Variants in SPRY1 observed in about 807,000 individuals in gnomAD.
SPRY1 encodes the protein protein sprouty homolog 1.
A neutral mutation model predicts 22.6 loss-of-function variants in SPRY1; 20 were observed. The ratio of observed to expected loss-of-function variants is 0.89; its 90% CI spans 0.62 to 1.29. The LOEUF (loss-of-function observed/expected upper bound fraction) is 1.29. Among genes scored for constraint, SPRY1 ranks in the 50% most tolerant of loss-of-function variants. The pLI is 0.00. For synonymous variants in SPRY1, 155 were observed against 144.7 expected, an observed-to-expected ratio of 1.07 and a Z score of -0.51; for missense variants, 446 against 387.7, an observed-to-expected ratio of 1.15 and a Z score of -1.26.
chr4:123,403,112 C>G lies in SPRY1; in HGVS notation c.*561C>G. The G allele has an allele frequency of 3.5e-6, 1 of 289,204 alleles. No homozygotes were observed. The highest frequency in any genetic ancestry group is 6.7e-6 in the Non-Finnish European group (1 of 148,822). 17.9% of individuals were successfully genotyped at this position (289,204 alleles called of 1,614,324 possible). On this transcript the variant is annotated 3_prime_UTR_variant, in exon 3 of 3. Transcript: ENST00000651917. ...CCTTCTTTCTCCTTCAAGGTTCTTTCCCCCTCAGTTTTGTTGTTGTCTTAC... is the reference window on the plus strand; with the variant it reads ...CCTTCTTTCTCCTTCAAGGTTCTTTGCCCCTCAGTTTTGTTGTTGTCTTAC...
At chr4:123,397,539 G>C (rs1320729825) in intron 1 of SPRY1, 72 bp from the exon 2 acceptor site, 2 of 152,086 alleles carry the variant, frequency 1.3e-5, no homozygotes, top group African/African-American at 4.8e-5. Context: ...GCTGGCCAGC[G>C]GCCCGCCCGG....
intron 2 of SPRY1, chr4:123,399,463 G>T (rs1031483001): frequency 6.6e-6 from 1 of 152,178 alleles, no homozygotes; most frequent in Non-Finnish European, 1.5e-5. Flanking sequence ...GAGGGAGAAA[G>T]AACTTGTTTT....
chr4:123,398,655 C>A (rs1725015700), intron 2 of SPRY1: 1 of 152,046 alleles, frequency 6.6e-6, no homozygotes, highest in African/African-American at 2.4e-5. Context: ...GGGACGACCT[C>A]GCTCGGCGCG....
In SPRY1 at chr4:123,403,056, C is replaced by T. The variant is rs1015633708; in HGVS notation, c.*505C>T. 1.3e-5 allele frequency: 5 copies of T among 375,898 alleles called. No homozygotes were observed. The highest frequency in any genetic ancestry group is 4.2e-5 in the African/African-American group (2 of 47,910). 23.3% of individuals were successfully genotyped at this position (375,898 alleles called of 1,614,324 possible). ...ATGGGGGATATATTTTTTGCTATAA[C>T]GTAAAAATTTTCCTTTAACCACTGC... On this transcript the variant is annotated 3_prime_UTR_variant, in exon 3 of 3. Coordinates refer to ENST00000651917, the MANE Select transcript of SPRY1 (RefSeq NM_001258038.2).
At chr4:123,400,133 A>G (rs1442715370) in intron 2 of SPRY1, 2 of 152,194 alleles carry the variant, frequency 1.3e-5, no homozygotes, top group East Asian at 1.9e-4. Flanking sequence ...AAGAAGAGGA[A>G]TAATTGTGCA....
intron 2 of SPRY1, chr4:123,400,408 T>C (rs1426664793): frequency 6.6e-6 from 1 of 152,218 alleles, no homozygotes; most frequent in Non-Finnish European, 1.5e-5. Context: ...GACATTTCTT[T>C]TTCTTTTCAT....
rs184316565 is a variant in SPRY1, at chr4:123,401,876, C to T, written c.285C>T (p.Ser95=). The part of the protein sequence containing the change: ...VNNNYEHRHT[S]HLGHAVLPSN... ...ATAACTACGAGCACAGACACACAAG[C>T]CACCTGGGACATGCAGTACTCCCAA... Residue 95 remains serine, a synonymous_variant, in exon 3 of 3, where the codon AGC becomes AGT. Coordinates refer to ENST00000651917, the MANE Select transcript of SPRY1 (RefSeq NM_001258038.2). 2.6e-5 allele frequency: 42 copies of T among 1,614,172 alleles called. No homozygotes were observed. In the East Asian group the frequency reaches 9.1e-4, roughly 35 times the overall value.
At position 123,402,234 on chromosome 4, in the gene SPRY1, A is replaced by C; in HGVS notation, c.643A>C (p.Met215Leu). ...NRQCLCSAES[M>L]VEYGTCMCLV... ...GCAGTGCCTTTGCTCTGCTGAGAGC[A>C]TGGTGGAATATGGAACCTGCATGTG... The change falls in exon 3 of 3, where the codon ATG becomes CTG. Residue 215 changes from methionine (M) to leucine (L), a missense_variant. Met to Leu is a conservative substitution (Grantham distance 15, BLOSUM62 2). Transcript: ENST00000651917. The C allele has an allele frequency of 6.2e-7, 1 of 1,614,260 alleles. No homozygotes were observed. The highest frequency in any genetic ancestry group is 8.5e-7 in the Non-Finnish European group (1 of 1,180,048).
Position 123,402,281 on chromosome 4 carries a change from C to T in SPRY1, c.690C>T (p.Tyr230=), listed in dbSNP as rs1333483153. Residue 230 remains tyrosine (Y), a synonymous_variant, in exon 3 of 3, where the codon TAC becomes TAT. Coordinates refer to ENST00000651917, the MANE Select transcript of SPRY1 (RefSeq NM_001258038.2). ...TGTGCTTAGTCAAGGGCATCTTCTA[C>T]CACTGCTCCAATGACGACGAAGGGG... ...TCMCLVKGIF[Y]HCSNDDEGDS... 4.3e-6 allele frequency: 7 copies of T among 1,614,230 alleles called. No homozygotes were observed. The highest frequency in any genetic ancestry group is 5.1e-6 in the Non-Finnish European group (6 of 1,180,042).
At position 123,402,337 on chromosome 4, in the gene SPRY1, C is replaced by T; in HGVS notation, c.746C>T (p.Ser249Leu). Residue 249 changes from serine (S) to leucine (L), a missense_variant, in exon 3 of 3, where the codon TCA becomes TTA. Coordinates refer to ENST00000651917, the MANE Select transcript of SPRY1 (RefSeq NM_001258038.2). ...TATTCAGATAATCCTTGCTCCTGTT[C>T]ACAATCACACTGCTGCTCTAGATAC... ...DSYSDNPCSCSQSHCCSRYLC... is the reference protein window; with the variant it reads ...DSYSDNPCSCLQSHCCSRYLC... The T allele has an allele frequency of 1.2e-6, 2 of 1,614,222 alleles. No individual in the cohort carries two copies. Among genetic ancestry groups the T allele is most frequent in the Non-Finnish European group, 1.7e-6 (2 of 1,180,038 alleles).
chr4:123,398,703 C>T (rs1335255339), intron 2 of SPRY1, among the ~76,000 whole-genome samples: 1 of 152,078 alleles, frequency 6.6e-6, no homozygotes, highest in Non-Finnish European at 1.5e-5. Context: ...GGGGCCGCGG[C>T]TTCTGGGGGC....
In SPRY1 at chr4:123,402,324, C is replaced by T; in HGVS notation, c.733C>T (p.Pro245Ser). Residue 245 changes from proline (P) to serine (S), a missense_variant, in exon 3 of 3, where the codon CCT (proline) becomes TCT (serine). Pro to Ser is a moderately conservative substitution (Grantham distance 74). Transcript: ENST00000651917. ...CGAAGGGGATTCCTATTCAGATAAT[C>T]CTTGCTCCTGTTCACAATCACACTG... ...DDEGDSYSDNPCSCSQSHCCS... is the reference protein window; with the variant it reads ...DDEGDSYSDNSCSCSQSHCCS... 6.2e-7 allele frequency: 1 copy of T among 1,614,222 alleles called. No homozygotes were observed. The highest frequency in any genetic ancestry group is 8.5e-7 in the Non-Finnish European group (1 of 1,180,032).
At position 123,402,160 on chromosome 4, in the gene SPRY1, G is replaced by A. The variant is rs771143455; in HGVS notation, c.569G>A (p.Gly190Glu). 6.2e-7 allele frequency: 1 copy of A among 1,614,230 alleles called. No homozygotes were observed. Among genetic ancestry groups the A allele is most frequent in the East Asian group, 2.2e-5 (1 of 44,886 alleles). ...ICEQCGKCKC[G>E]ECTAPRTLPS... is the part of the protein sequence containing the mutation. Reference sequence around the variant, plus strand: ...GAACAGTGTGGGAAGTGCAAGTGTGGAGAATGCACTGCTCCCAGGACCCTA... The same window carrying A: ...GAACAGTGTGGGAAGTGCAAGTGTGAAGAATGCACTGCTCCCAGGACCCTA... Residue 190 changes from glycine to glutamate, a missense_variant, in exon 3 of 3, where the codon GGA becomes GAA. Transcript: ENST00000651917.
intron 2 of SPRY1, among the ~76,000 whole-genome samples, chr4:123,398,804 G>A (rs902864484): frequency 6.6e-6 from 1 of 152,196 alleles, no homozygotes; most frequent in African/African-American, 2.4e-5. Flanking sequence ...CGGAGCGGCG[G>A]CGCGGTGGCC....
chr4:123,398,466 C>G (rs1725005743), intron 2 of SPRY1: 1 of 151,360 alleles, frequency 6.6e-6, no homozygotes, highest in East Asian at 1.9e-4. Context: ...CGCACCAGGA[C>G]CTGGGCCGGG....
intron 2 of SPRY1, among the ~76,000 whole-genome samples, chr4:123,401,205 A>C (rs1417738279): frequency 6.6e-6 from 1 of 152,242 alleles, no homozygotes; most frequent in Non-Finnish European, 1.5e-5. Context: ...GCTTATACTC[A>C]GTATTCCCTG....
intron 2 of SPRY1, chr4:123,400,374 G>A (rs991388843): frequency 1.3e-5 from 2 of 152,146 alleles, no homozygotes; most frequent in African/African-American, 2.4e-5. Context: ...CATGTTTTTT[G>A]CCTCAGGTTG....
rs1725261579 is a variant in SPRY1, at chr4:123,403,694, A to C, written c.*1143A>C. 6.0e-6 allele frequency: 1 copy of C among 167,128 alleles called. No individual in the cohort carries two copies. The allele number at this position is 167,128 out of a possible 1,614,324, so 10.4% of individuals were successfully genotyped here. ...AAAATATCAATACTTAACGGAAAAT[A>C]AGGTGACACGAAGAAAGTACATATG... On this transcript the variant is annotated 3_prime_UTR_variant, in exon 3 of 3. Transcript: ENST00000651917.
intron 2 of SPRY1, chr4:123,399,637 A>G (rs1184677229): frequency 6.6e-6 from 1 of 152,018 alleles, no homozygotes. Flanking sequence ...GCATAGACAA[A>G]TCCTTGCTTA....
Sources: gnomAD v4.1 joint callset for allele counts (sites outside exome capture counted in the v4.1 genomes callset) on GRCh38, gnomAD v4.1.1 for gene constraint, MANE v1.5 for transcripts, NCBI Gene and HGNC (gene_info 2026-07-23, HGNC 2026-07-21) for gene names.